The following SLC5A4 variants were observed in gnomAD, a reference collection of about 807,000 sequenced individuals.
SLC5A4 encodes solute carrier family 5 member 4, also known as probable glucose sensor protein SLC5A4.
A neutral mutation model predicts 70.3 loss-of-function variants in SLC5A4; 55 were observed. The observed-to-expected ratio is 0.78, with a 90% CI of 0.63 to 0.98. The LOEUF (loss-of-function observed/expected upper bound fraction) is 0.98. Ranked by LOEUF, SLC5A4 falls within the 50% of genes least tolerant of loss-of-function variation. The pLI, the probability that SLC5A4 is intolerant of heterozygous loss-of-function variation, is 0.00. For missense variants in SLC5A4, 735 were observed against 839.2 expected (o/e 0.88, Z 1.53); for synonymous variants, 268 against 305.7 (o/e 0.88, Z 1.29).
intron 5 of SLC5A4, 105 bp downstream of exon 5, chr22:32,247,306 T>C: frequency 1.4e-6 from 1 of 719,104 alleles, no homozygotes; most frequent in Non-Finnish European, 2.5e-6. Context: ...TCCTTGACCC[T>C]TTAAAGGCTG....
chr22:32,300,624 G>A, the SLC5A4 span, among the ~76,000 whole-genome samples: 10 of 151,704 alleles, frequency 6.6e-5, no homozygotes, highest in South Asian at 8.4e-4. Flanking sequence ...TGTCTTCTGC[G>A]TCACTCACGC....
chr22:32,334,084 AACAC>A, the SLC5A4 span, among the ~76,000 whole-genome samples: 62 of 149,138 alleles, frequency 4.2e-4, no homozygotes, highest in Middle Eastern at 3.4e-3. Context: ...TATGCCAGAC[AACAC>A]ACACACACAC....
At chr22:32,258,767 T>C (rs1266510966), upstream of SLC5A4, among the ~76,000 whole-genome samples, 3 of 152,196 alleles carry the variant, frequency 2.0e-5, no homozygotes, top group Non-Finnish European at 4.4e-5. Context: ...CGCAAAAAGA[T>C]ATATCTGCAC....
chr22:32,226,087 T>C (rs934015660), intron 11 of SLC5A4, among the ~76,000 whole-genome samples: 1 of 152,222 alleles, frequency 6.6e-6, no homozygotes, highest in Non-Finnish European at 1.5e-5. Flanking sequence ...AAAATATCAG[T>C]GATTAATAAC....
intron 5 of SLC5A4, among the ~76,000 whole-genome samples, chr22:32,239,654 T>C (rs1012830344): frequency 7.4e-6 from 1 of 135,130 alleles, no homozygotes; most frequent in African/African-American, 2.7e-5. Context: ...TTATATTGTG[T>C]GTTTTATGTA....
At chr22:32,339,986 A>G in the SLC5A4 span, among the ~76,000 whole-genome samples, 1 of 152,250 alleles carries the variant, frequency 6.6e-6, no homozygotes, top group Non-Finnish European at 1.5e-5. Context: ...CACCCAGCAT[A>G]GAGTGGCATC....
At chr22:32,347,074 C>T in the SLC5A4 span, among the ~76,000 whole-genome samples, 4 of 152,166 alleles carry the variant, frequency 2.6e-5, no homozygotes, top group African/African-American at 9.7e-5. Flanking sequence ...CAAAAGAAGA[C>T]GTTTATGCAG....
chr22:32,306,612 A>C, the SLC5A4 span, among the ~76,000 whole-genome samples: 1 of 152,210 alleles, frequency 6.6e-6, no homozygotes, highest in South Asian at 2.1e-4. Context: ...ATGCCTGCTC[A>C]CATGAAGCCA....
chr22:32,339,172 G>A, the SLC5A4 span, among the ~76,000 whole-genome samples: 1 of 152,182 alleles, frequency 6.6e-6, no homozygotes, highest in Non-Finnish European at 1.5e-5. Context: ...CATTAGAAGG[G>A]AGAAAAACGC....
intron 13 of SLC5A4, among the ~76,000 whole-genome samples, chr22:32,223,490 T>C (rs1925205933): frequency 6.6e-6 from 1 of 152,336 alleles, no homozygotes; most frequent in South Asian, 2.1e-4. Flanking sequence ...TTTGCCAAAT[T>C]GAAAGGCAAA....
chr22:32,263,314 T>C, the SLC5A4 span, among the ~76,000 whole-genome samples: 1 of 152,214 alleles, frequency 6.6e-6, no homozygotes, highest in East Asian at 1.9e-4. Flanking sequence ...ACTGGTTTTA[T>C]AAAAATTAAA....
At chr22:32,237,425 C>G (rs1926128628) in intron 6 of SLC5A4, 101 bp from the exon 7 acceptor site, 3 of 742,898 alleles carry the variant, frequency 4.0e-6, no homozygotes, top group Admixed American at 3.1e-5. Context: ...TGGAAATGAC[C>G]CAGTAGAAGA....
the SLC5A4 span, among the ~76,000 whole-genome samples, chr22:32,307,910 C>T: frequency 6.7e-6 from 1 of 148,826 alleles, no homozygotes; most frequent in East Asian, 2.0e-4. Context: ...GATTAAGAAT[C>T]CCTGCAGTTT....
chr22:32,354,863 T>TA, the SLC5A4 span: 1 of 152,386 alleles, frequency 6.6e-6, no homozygotes, highest in Non-Finnish European at 1.5e-5. Context: ...GGCTGCGCTC[T>TA]AGTCTCCCTG....
At chr22:32,304,181 C>T in the SLC5A4 span, among the ~76,000 whole-genome samples, 19 of 152,106 alleles carry the variant, frequency 1.2e-4, no homozygotes, top group Non-Finnish European at 2.4e-4. Context: ...GGGTGGAGTG[C>T]AATGGTGCAA....
At chr22:32,283,543 A>G in the SLC5A4 span, among the ~76,000 whole-genome samples, 570 of 152,312 alleles carry the variant, frequency 3.7e-3, 3 homozygotes, top group Non-Finnish European at 5.8e-3. Flanking sequence ...TGGTATATAT[A>G]GTTCCACCAA....
At chr22:32,249,494 C>T (rs993437363) in intron 3 of SLC5A4, among the ~76,000 whole-genome samples, 14 of 152,158 alleles carry the variant, frequency 9.2e-5, no homozygotes, top group Non-Finnish European at 1.2e-4. Context: ...AACAAAGCTC[C>T]AGCCATAGGG....
At chr22:32,259,761 G>A (rs1393472070), upstream of SLC5A4, among the ~76,000 whole-genome samples, 2 of 152,178 alleles carry the variant, frequency 1.3e-5, no homozygotes, top group Non-Finnish European at 2.9e-5. Flanking sequence ...AGAGATTAAG[G>A]TGGATTGGTG....
chr22:32,334,136 G>A, the SLC5A4 span, among the ~76,000 whole-genome samples: 32 of 124,270 alleles, frequency 2.6e-4, no homozygotes, highest in African/African-American at 1.2e-3. Flanking sequence ...TACACACCAT[G>A]CCAGACAACA....
Sources: gnomAD v4.1 joint callset for allele counts (sites outside exome capture counted in the v4.1 genomes callset) on GRCh38, gnomAD v4.1.1 for gene constraint, MANE v1.5 for transcripts, NCBI Gene and HGNC (gene_info 2026-07-23, HGNC 2026-07-21) for gene names.